PPP1R9A: variants seen among roughly 807,000 people sequenced by gnomAD.
PPP1R9A encodes neurabin-1.
A neutral mutation model predicts 141.9 loss-of-function variants in PPP1R9A; 59 were observed. That is an observed-to-expected ratio of 0.42 (90% confidence interval 0.34 to 0.52). The LOEUF (loss-of-function observed/expected upper bound fraction) is 0.52, where lower values mean the gene tolerates loss of function less well. Among genes scored for constraint, PPP1R9A ranks in the 20% least tolerant of loss-of-function variants. The pLI is 0.10. For synonymous variants in PPP1R9A, 500 were observed against 569.7 expected (o/e 0.88, Z 1.74); for missense variants, 1,444 against 1,611.9 (o/e 0.90, Z 1.78).
chr7:95,226,920 CA>C (rs970654208), intron 8 of PPP1R9A, among the ~76,000 whole-genome samples: 1 of 152,136 alleles, frequency 6.6e-6, no homozygotes, highest in Non-Finnish European at 1.5e-5. Flanking sequence ...TAATAGGTCC[CA>C]AAGCAGTTTA....
chr7:95,033,715 AT>A (rs1013691273), intron 2 of PPP1R9A, among the ~76,000 whole-genome samples: 8 of 150,582 alleles, frequency 5.3e-5, no homozygotes, highest in Admixed American at 6.6e-5. Context: ...ATCCAATTCC[AT>A]TTTTTTTTCC....
intron 2 of PPP1R9A, among the ~76,000 whole-genome samples, chr7:95,070,610 TACACACACAC>T: frequency 1.1e-5 from 1 of 94,132 alleles, no homozygotes; most frequent in Non-Finnish European, 2.9e-5. Context: ...TATATATATA[TACACACACAC>T]ACACATATAT....
chr7:95,047,336 G>A (rs925397366), intron 2 of PPP1R9A, among the ~76,000 whole-genome samples: 2 of 152,176 alleles, frequency 1.3e-5, no homozygotes, highest in African/African-American at 4.8e-5. Context: ...GTTATAGAGA[G>A]CTGTCAATAC....
intron 5 of PPP1R9A, among the ~76,000 whole-genome samples, chr7:95,187,128 T>G (rs1293680795): frequency 2.0e-5 from 3 of 152,172 alleles, no homozygotes; most frequent in African/African-American, 4.8e-5. Flanking sequence ...CATCTGTGAA[T>G]CCTTCTGGTC....
rs551364473 is a variant in PPP1R9A at position 95,132,623 on chromosome 7, C to T, written c.1649+11791C>T. Among the ~76,000 whole-genome samples the T allele has an allele frequency of 2.6e-5, 4 of 152,180 alleles. No homozygotes were observed. The East Asian group carries it at 5.8e-4, about 22-fold the overall frequency. ...CGGTGTTACATGACCCCTTCGGTGC[C>T]GCTTCGCCAGCTGGAAATCTCTGCG... On this transcript the variant is annotated intron_variant, in intron 4 of 19. Transcript: ENST00000433360.
At position 94,911,287 on chromosome 7, in the gene PPP1R9A, G is replaced by C; in HGVS notation, c.1174G>C (p.Gly392Arg). Residue 392 changes from glycine to arginine, a missense_variant, in exon 2 of 20, where the codon GGT becomes CGT. Physicochemically the swap from Gly to Arg is moderately radical, Grantham distance 125. Coordinates refer to ENST00000433360, the MANE Select transcript of PPP1R9A (RefSeq NM_001166160.2). ...EVPEDSNNFD[G>R]SHVYMHSDYN... Reference sequence around the variant, plus strand: ...ACCTGAAGATTCAAATAATTTTGATGGTTCCCATGTGTACATGCACAGTGA... The same window carrying C: ...ACCTGAAGATTCAAATAATTTTGATCGTTCCCATGTGTACATGCACAGTGA... 3 of 1,614,140 alleles carry C rather than the reference G, an allele frequency of 1.9e-6. No homozygotes were observed. The highest frequency in any genetic ancestry group is 2.5e-6 in the Non-Finnish European group (3 of 1,180,014).
At chr7:95,182,967 T>C (rs530542881) in intron 5 of PPP1R9A, among the ~76,000 whole-genome samples, 1 of 152,324 alleles carries the variant, frequency 6.6e-6, no homozygotes, top group South Asian at 2.1e-4. Context: ...ACATCAAGGC[T>C]AACTACTAAG....
chr7:94,934,266 A>G (rs955951639), intron 2 of PPP1R9A, among the ~76,000 whole-genome samples: 11 of 152,206 alleles, frequency 7.2e-5, no homozygotes, highest in African/African-American at 2.7e-4. Flanking sequence ...TCTTCCCTGT[A>G]TCAGACTCAC....
At chr7:95,111,642 A>G (rs182397089) in intron 3 of PPP1R9A, among the ~76,000 whole-genome samples, 185 of 152,254 alleles carry the variant, frequency 1.2e-3, no homozygotes, top group African/African-American at 4.3e-3. Flanking sequence ...GGTATAAGTG[A>G]GGCCTAATGC....
chr7:95,258,898 G>A (rs1800009990), intron 12 of PPP1R9A, among the ~76,000 whole-genome samples: 1 of 152,102 alleles, frequency 6.6e-6, no homozygotes. Context: ...TAGAAGATGT[G>A]AAAATCCTAT....
At chr7:95,110,699 T>G (rs1209785677) in intron 2 of PPP1R9A, among the ~76,000 whole-genome samples, 1 of 152,200 alleles carries the variant, frequency 6.6e-6, no homozygotes, top group Non-Finnish European at 1.5e-5. Context: ...CATAATAATT[T>G]CATAAAAGTT....
intron 18 of PPP1R9A, 91 bp from the exon 19 acceptor site, chr7:95,288,445 C>T: frequency 6.7e-7 from 1 of 1,493,328 alleles, no homozygotes; most frequent in Non-Finnish European, 8.9e-7. Context: ...ATAAATGTGG[C>T]TCTCATAGGT....
intron 5 of PPP1R9A, among the ~76,000 whole-genome samples, chr7:95,162,981 CAA>C (rs1445985560): frequency 6.6e-6 from 1 of 152,140 alleles, no homozygotes; most frequent in Admixed American, 6.6e-5. Context: ...AAAATAATTG[CAA>C]AACTGTGTGG....
At chr7:94,928,358 G>A (rs1793739183) in intron 2 of PPP1R9A, among the ~76,000 whole-genome samples, 2 of 152,036 alleles carry the variant, frequency 1.3e-5, no homozygotes, top group South Asian at 4.2e-4. Flanking sequence ...TAATTTAAAG[G>A]GATAGATGAC....
intron 2 of PPP1R9A, among the ~76,000 whole-genome samples, chr7:94,921,594 T>A (rs1420725772): frequency 1.3e-5 from 2 of 152,126 alleles, no homozygotes; most frequent in Non-Finnish European, 2.9e-5. Context: ...TTAATTGATA[T>A]TATATATGTA....
chr7:94,999,816 T>G (rs1802658059), intron 2 of PPP1R9A, among the ~76,000 whole-genome samples: 5 of 151,556 alleles, frequency 3.3e-5, no homozygotes, highest in Non-Finnish European at 7.4e-5. Context: ...TTTATTTATT[T>G]ATTTAGATAG....
chr7:95,216,951 C>T (rs1238420911), intron 7 of PPP1R9A, among the ~76,000 whole-genome samples: 3 of 152,206 alleles, frequency 2.0e-5, no homozygotes, highest in East Asian at 1.9e-4. Context: ...TCATTGAATA[C>T]CCTTTATTTC....
At chr7:95,122,792 T>G (rs773126630) in intron 4 of PPP1R9A, among the ~76,000 whole-genome samples, 3 of 152,178 alleles carry the variant, frequency 2.0e-5, no homozygotes, top group Non-Finnish European at 4.4e-5. Flanking sequence ...TTTAATAAAT[T>G]ATATATAATG....
At chr7:95,167,858 T>C (rs1417610735) in intron 5 of PPP1R9A, among the ~76,000 whole-genome samples, 1 of 151,184 alleles carries the variant, frequency 6.6e-6, no homozygotes, top group Non-Finnish European at 1.5e-5. Flanking sequence ...TGAAAGACCT[T>C]CACAAGGAAA....
Sources: gnomAD v4.1 joint callset for allele counts (sites outside exome capture counted in the v4.1 genomes callset) on GRCh38, gnomAD v4.1.1 for gene constraint, MANE v1.5 for transcripts, NCBI Gene and HGNC (gene_info 2026-07-23, HGNC 2026-07-21) for gene names.